Variants in PARVA observed in about 807,000 individuals in gnomAD.
PARVA encodes parvin alpha, also known as alpha-parvin.
A neutral mutation model predicts 52.6 loss-of-function variants in PARVA; 25 were observed. The observed-to-expected ratio is 0.48, with a 90% CI of 0.35 to 0.66. PARVA has a LOEUF of 0.66. Ranked by LOEUF, PARVA falls within the 30% of genes least tolerant of loss-of-function variation. PARVA has a pLI of 0.01. For synonymous variants in PARVA, 185 were observed against 179.1 expected, an observed-to-expected ratio of 1.03 and a Z score of -0.26; for missense variants, 373 against 450.9, an observed-to-expected ratio of 0.83 and a Z score of 1.56.
intron 1 of PARVA, among the ~76,000 whole-genome samples, chr11:12,400,120 T>C (rs1029260501): frequency 6.6e-6 from 1 of 152,214 alleles, no homozygotes; most frequent in Non-Finnish European, 1.5e-5. Context: ...TTACTTGATA[T>C]ATATGCCTGA....
chr11:12,461,810 C>T (rs984598451), intron 1 of PARVA, among the ~76,000 whole-genome samples: 2 of 152,112 alleles, frequency 1.3e-5, no homozygotes, highest in African/African-American at 4.8e-5. Flanking sequence ...ACTATAGATC[C>T]TGCTGTCAGC....
At chr11:12,496,808 G>T (rs536876633) in intron 5 of PARVA, among the ~76,000 whole-genome samples, 1 of 152,296 alleles carries the variant, frequency 6.6e-6, no homozygotes, top group Admixed American at 6.5e-5. Flanking sequence ...AAAATCTCAC[G>T]TTCCTCTTCT....
At chr11:12,460,060 G>T (rs1940755829) in intron 1 of PARVA, among the ~76,000 whole-genome samples, 1 of 152,194 alleles carries the variant, frequency 6.6e-6, no homozygotes, top group African/African-American at 2.4e-5. Context: ...ATGCAGAAGT[G>T]ACTGTGTTCC....
chr11:12,410,277 C>T (rs868382710), intron 1 of PARVA, among the ~76,000 whole-genome samples: 1 of 152,318 alleles, frequency 6.6e-6, no homozygotes, highest in Middle Eastern at 3.4e-3. Context: ...GCCCTTTCCT[C>T]ATCTTCAGGG....
At chr11:12,406,781 C>G (rs1227848211) in intron 1 of PARVA, among the ~76,000 whole-genome samples, 1 of 150,656 alleles carries the variant, frequency 6.6e-6, no homozygotes, top group African/African-American at 2.5e-5. Flanking sequence ...TACCATTCTC[C>G]TGCCTCGGCC....
intron 1 of PARVA, among the ~76,000 whole-genome samples, chr11:12,428,788 A>G (rs1940274046): frequency 6.6e-6 from 1 of 152,200 alleles, no homozygotes; most frequent in Non-Finnish European, 1.5e-5. Flanking sequence ...AGCTTCTGAG[A>G]CTGACCTTTG....
At chr11:12,443,458 C>A (rs1358903376) in intron 1 of PARVA, among the ~76,000 whole-genome samples, 1 of 152,136 alleles carries the variant, frequency 6.6e-6, no homozygotes, top group Non-Finnish European at 1.5e-5. Context: ...GCGTGAGGCA[C>A]CACACCTGGC....
intron 4 of PARVA, among the ~76,000 whole-genome samples, chr11:12,484,849 A>C (rs1405211585): frequency 1.6e-5 from 2 of 121,732 alleles, no homozygotes; most frequent in Non-Finnish European, 3.2e-5. Context: ...GCCTCACTCT[A>C]TTGCCTAGGC....
At chr11:12,449,000 A>G (rs762469498) in intron 1 of PARVA, among the ~76,000 whole-genome samples, 7 of 152,282 alleles carry the variant, frequency 4.6e-5, no homozygotes, top group South Asian at 2.1e-4. Context: ...TAGTGAGAGG[A>G]AGGAACTGTT....
At chr11:12,444,352 A>G (rs139476437) in intron 1 of PARVA, among the ~76,000 whole-genome samples, 316 of 152,324 alleles carry the variant, frequency 2.1e-3, no homozygotes, top group African/African-American at 7.3e-3. Context: ...GGGCCAGAAC[A>G]GGCAGCTTAG....
chr11:12,417,946 C>G (rs1026630194), intron 1 of PARVA, among the ~76,000 whole-genome samples: 1 of 152,194 alleles, frequency 6.6e-6, no homozygotes, highest in Non-Finnish European at 1.5e-5. Flanking sequence ...GATTAGAGAC[C>G]CCAGCAGTGC....
At chr11:12,469,875 C>A (rs1400731606) in intron 1 of PARVA, among the ~76,000 whole-genome samples, 2 of 152,202 alleles carry the variant, frequency 1.3e-5, no homozygotes, top group Non-Finnish European at 2.9e-5. Flanking sequence ...TAACAATGAT[C>A]TACACAGAAA....
In PARVA at chr11:12,513,220, C is replaced by T. The variant is rs373786118; in HGVS notation, c.737-79C>T. 1.2e-3 allele frequency: 1,475 copies of T among 1,190,748 alleles called. 8 individuals are homozygous for T. The highest frequency in any genetic ancestry group is 0.012 in the Middle Eastern group (62 of 5,280). 73.8% of individuals were successfully genotyped at this position (1,190,748 alleles called of 1,614,324 possible). A position where few individuals can be genotyped will look rare whatever the true frequency, so the allele number is the denominator to read the frequency against. Reference sequence around the variant, plus strand: ...GTTGACCTTGTGACCTTGAGAGGCGCGTGGCTCTGGGACCCAAGGTGGGCT... The same window carrying T: ...GTTGACCTTGTGACCTTGAGAGGCGTGTGGCTCTGGGACCCAAGGTGGGCT... On this transcript the variant is annotated intron_variant, in intron 8 of 12. Transcript: ENST00000334956.
chr11:12,446,788 A>G (rs568716520), intron 1 of PARVA, among the ~76,000 whole-genome samples: 2 of 152,306 alleles, frequency 1.3e-5, no homozygotes, highest in African/African-American at 4.8e-5. Flanking sequence ...TCCTGTGGTA[A>G]AAGTGTATTC....
intron 1 of PARVA, among the ~76,000 whole-genome samples, chr11:12,412,147 G>C (rs1940000535): frequency 6.6e-6 from 1 of 152,184 alleles, no homozygotes. Flanking sequence ...GTCTTTCTCA[G>C]CTCTCATGTC....
chr11:12,515,260 G>A (rs959202120), intron 10 of PARVA, among the ~76,000 whole-genome samples: 2 of 152,048 alleles, frequency 1.3e-5, no homozygotes, highest in Non-Finnish European at 2.9e-5. Context: ...TTCATTCTTG[G>A]TGAGCTTCTG....
intron 1 of PARVA, among the ~76,000 whole-genome samples, chr11:12,440,001 C>T (rs570297983): frequency 1.3e-5 from 2 of 152,178 alleles, no homozygotes; most frequent in African/African-American, 4.8e-5. Flanking sequence ...TCACTGCTGG[C>T]GTAGCATGCA....
intron 4 of PARVA, among the ~76,000 whole-genome samples, chr11:12,495,665 A>C (rs79640639): frequency 6.6e-6 from 1 of 150,610 alleles, no homozygotes; most frequent in African/African-American, 2.4e-5. Flanking sequence ...ATAAAAAAAA[A>C]CTATTGATTT....
chr11:12,471,596 A>AAT (rs1940934996), intron 1 of PARVA, among the ~76,000 whole-genome samples: 1 of 152,044 alleles, frequency 6.6e-6, no homozygotes, highest in African/African-American at 2.4e-5. Flanking sequence ...TTAGCAAACT[A>AAT]ACAGGAGCAG....
Sources: allele counts gnomAD v4.1 joint callset (sites outside exome capture counted in the v4.1 genomes callset), GRCh38; gene constraint gnomAD v4.1.1; transcripts MANE v1.5; gene names NCBI Gene and HGNC (gene_info 2026-07-23, HGNC 2026-07-21).